KLHL29: variants seen among roughly 807,000 people sequenced by gnomAD.
KLHL29 encodes the protein kelch like family member 29, also known as kelch-like protein 29.
In KLHL29, 21 loss-of-function variants were observed where a neutral mutation model predicts 80.4. The ratio of observed to expected loss-of-function variants is 0.26; its 90% CI spans 0.19 to 0.38. The LOEUF (loss-of-function observed/expected upper bound fraction) is 0.38. Among genes scored for constraint, KLHL29 ranks in the 10% least tolerant of loss-of-function variants. KLHL29 has a pLI of 1.00. For synonymous variants in KLHL29, 511 were observed against 526.8 expected (o/e 0.97, Z 0.41); for missense variants, 867 against 1,223.9 (o/e 0.71, Z 4.35).
intron 1 of KLHL29, among the ~76,000 whole-genome samples, chr2:23,460,766 C>T (rs574218990): frequency 6.7e-6 from 1 of 149,296 alleles, no homozygotes; most frequent in African/African-American, 2.5e-5. Context: ...AAGGGAGCAT[C>T]GTGCAAACTC....
At chr2:23,660,862 C>T (rs1257100884) in intron 5 of KLHL29, among the ~76,000 whole-genome samples, 1 of 151,882 alleles carries the variant, frequency 6.6e-6, no homozygotes, top group East Asian at 1.9e-4. Flanking sequence ...CCCATCTCTA[C>T]TAAAAATACA....
intron 3 of KLHL29, among the ~76,000 whole-genome samples, chr2:23,592,796 T>C (rs1668300642): frequency 6.6e-6 from 1 of 152,198 alleles, no homozygotes; most frequent in South Asian, 2.1e-4. Flanking sequence ...GACCATCTCC[T>C]GGCCCCCAAA....
intron 3 of KLHL29, among the ~76,000 whole-genome samples, chr2:23,582,915 A>G (rs1272333177): frequency 6.6e-6 from 1 of 152,236 alleles, no homozygotes. Context: ...AACTAAAGTA[A>G]GGCTCAAGAT....
Position 23,642,732 on chromosome 2 carries a change from C to A in KLHL29, c.822C>A (p.Leu274=). The change falls in exon 5 of 14, where the codon CTC becomes CTA. Residue 274 remains leucine, a synonymous_variant. Coordinates refer to ENST00000486442, the MANE Select transcript of KLHL29 (RefSeq NM_052920.2). ...PPPPAQPSAT[L]PSGAPATNGP... Reference sequence around the variant, plus strand: ...CGCCAGCCCAGCCGTCCGCCACTCTCCCCAGTGGTGCCCCTGCCACCAATG... The same window carrying A: ...CGCCAGCCCAGCCGTCCGCCACTCTACCCAGTGGTGCCCCTGCCACCAATG... 1 of 1,550,044 alleles carries A rather than the reference C, an allele frequency of 6.5e-7. No individual in the cohort carries two copies. The highest frequency in any genetic ancestry group is 8.7e-7 in the Non-Finnish European group (1 of 1,146,728).
chr2:23,584,652 G>A (rs1451365661), intron 3 of KLHL29, among the ~76,000 whole-genome samples: 1 of 152,360 alleles, frequency 6.6e-6, no homozygotes, highest in Middle Eastern at 3.4e-3. Flanking sequence ...GGCGGAGGGG[G>A]GCGGTGCCCA....
At chr2:23,455,562 A>G (rs1664026424) in intron 1 of KLHL29, among the ~76,000 whole-genome samples, 1 of 150,234 alleles carries the variant, frequency 6.7e-6, no homozygotes, top group Non-Finnish European at 1.5e-5. Flanking sequence ...CAAGTTTGCC[A>G]TTGAGTGATG....
At position 23,696,621 on chromosome 2, in the gene KLHL29, C is replaced by T; in HGVS notation, c.2105+108C>T. Reference sequence around the variant, plus strand: ...CCCACTCAGTGGCGATGGAGCAGAGCCTGGACCATTCATATGGGCAGTCAT... The same window carrying T: ...CCCACTCAGTGGCGATGGAGCAGAGTCTGGACCATTCATATGGGCAGTCAT... On this transcript the variant is annotated intron_variant, in intron 11 of 13. Transcript: ENST00000486442. This position sits in a 1 kb window ranked among gnomAD's most constrained non-coding sequence, Gnocchi z 5.5. 2.3e-6 allele frequency: 2 copies of T among 880,284 alleles called. No homozygotes were observed. The highest frequency in any genetic ancestry group is 3.4e-6 in the Non-Finnish European group (2 of 584,244). The allele number at this position is 880,284 out of a possible 1,614,324, so 54.5% of individuals were successfully genotyped here. A position where few individuals can be genotyped will look rare whatever the true frequency, so the allele number is the denominator to read the frequency against.
intron 3 of KLHL29, among the ~76,000 whole-genome samples, chr2:23,599,588 A>C (rs1318776978): frequency 6.6e-6 from 1 of 151,888 alleles, no homozygotes; most frequent in African/African-American, 2.4e-5. Context: ...ACATATATAA[A>C]TATTTATGTA....
At chr2:23,546,606 C>T (rs1666985053) in intron 2 of KLHL29, among the ~76,000 whole-genome samples, 1 of 152,152 alleles carries the variant, frequency 6.6e-6, no homozygotes, top group Admixed American at 6.5e-5. Context: ...GAGCAGCGAT[C>T]CTAGAAGAGA....
chr2:23,580,295 C>T (rs1218891070), intron 3 of KLHL29, among the ~76,000 whole-genome samples: 3 of 151,486 alleles, frequency 2.0e-5, no homozygotes, highest in Non-Finnish European at 4.4e-5. Flanking sequence ...TGGCGTGAAC[C>T]CAGGAGGCAG....
chr2:23,514,540 G>C (rs1362338099), intron 2 of KLHL29, among the ~76,000 whole-genome samples: 1 of 152,196 alleles, frequency 6.6e-6, no homozygotes, highest in Non-Finnish European at 1.5e-5. Context: ...GTAGGTGAAG[G>C]CTAGCAGCAG....
chr2:23,634,777 C>A (rs1427675075), intron 3 of KLHL29, among the ~76,000 whole-genome samples: 1 of 152,202 alleles, frequency 6.6e-6, no homozygotes, highest in Non-Finnish European at 1.5e-5. Flanking sequence ...AACCTCAGCA[C>A]CCCCAATGAG....
chr2:23,634,295 C>A (rs900799639), intron 3 of KLHL29, among the ~76,000 whole-genome samples: 7 of 152,182 alleles, frequency 4.6e-5, no homozygotes, highest in Non-Finnish European at 7.3e-5. Context: ...GCATCATCGT[C>A]CCTCCAGGAA....
chr2:23,465,582 C>T (rs1486051716), intron 1 of KLHL29, among the ~76,000 whole-genome samples: 1 of 152,186 alleles, frequency 6.6e-6, no homozygotes, highest in South Asian at 2.1e-4. Context: ...CAGCAGTGAC[C>T]CCATGGCAAA....
intron 3 of KLHL29, among the ~76,000 whole-genome samples, chr2:23,605,496 C>T (rs1279385720): frequency 3.3e-5 from 5 of 152,102 alleles, no homozygotes; most frequent in South Asian, 2.1e-4. Context: ...ACACAGCCCC[C>T]GGCGCCCCAG....
chr2:23,675,853 T>C (rs1172406293), intron 5 of KLHL29, among the ~76,000 whole-genome samples: 1 of 152,182 alleles, frequency 6.6e-6, no homozygotes, highest in Non-Finnish European at 1.5e-5. Flanking sequence ...CACACAACTG[T>C]GGTATTTCAA....
chr2:23,552,680 G>A (rs1027985984), intron 2 of KLHL29, among the ~76,000 whole-genome samples: 1 of 151,430 alleles, frequency 6.6e-6, no homozygotes, highest in Admixed American at 6.6e-5. Flanking sequence ...TAAAGCCTTT[G>A]GTTCCAGAGA....
At position 23,530,271 on chromosome 2, in the gene KLHL29, G is replaced by A. The variant is rs183402795; in HGVS notation, c.-45-31881G>A. 3.8e-3 allele frequency among the ~76,000 whole-genome samples: 585 copies of A among 152,232 alleles called. 2 individuals are homozygous for A. Among genetic ancestry groups the A allele is most frequent in the Admixed American group, 9.2e-3 (141 of 15,290 alleles). Reference sequence around the variant, plus strand: ...CCTTGCCATTGAAGAGGAGGAGCTCGTAAGCCCTTTCCATGGGCCCTCCCA... The same window carrying A: ...CCTTGCCATTGAAGAGGAGGAGCTCATAAGCCCTTTCCATGGGCCCTCCCA... On this transcript the variant is annotated intron_variant, in intron 2 of 13. Coordinates refer to ENST00000486442, the MANE Select transcript of KLHL29 (RefSeq NM_052920.2).
chr2:23,632,349 C>T (rs1475445988), intron 3 of KLHL29, among the ~76,000 whole-genome samples: 9 of 152,276 alleles, frequency 5.9e-5, no homozygotes. Context: ...TGGGGCTTCA[C>T]CTTTGCAGTG....
Sources: gnomAD v4.1 joint callset for allele counts (sites outside exome capture counted in the v4.1 genomes callset) on GRCh38, gnomAD v4.1.1 for gene constraint, Gnocchi (gnomAD v3.1) non-coding constraint, MANE v1.5 for transcripts, NCBI Gene and HGNC (gene_info 2026-07-23, HGNC 2026-07-21) for gene names.